Variants in SEMA3D observed in about 807,000 individuals in gnomAD.
SEMA3D encodes the protein semaphorin-3D.
A neutral mutation model predicts 100.1 loss-of-function variants in SEMA3D; 84 were observed. The observed-to-expected ratio is 0.84, with a 90% CI of 0.70 to 1.01. The LOEUF is 1.01. Among genes scored for constraint, SEMA3D ranks in the 50% least tolerant of loss-of-function variants. The pLI is 0.00. For missense variants in SEMA3D, 875 were observed against 934.1 expected (o/e 0.94, Z 0.82); for synonymous variants, 312 against 320.7 (o/e 0.97, Z 0.29).
chr7:85,029,179 C>A, intron 12 of SEMA3D: 1 of 667,182 alleles, frequency 1.5e-6, no homozygotes, highest in Admixed American at 2.1e-5. Context: ...TTTGAGCTCA[C>A]AGGCGTACCT....
chr7:85,146,082 C>T (rs1177154002), intron 2 of SEMA3D, among the ~76,000 whole-genome samples: 1 of 151,924 alleles, frequency 6.6e-6, no homozygotes, highest in Non-Finnish European at 1.5e-5. Context: ...CTCACGGATA[C>T]AGAGGGCTAA....
At chr7:85,069,889 T>C (rs77633637) in intron 6 of SEMA3D, among the ~76,000 whole-genome samples, 2 of 152,206 alleles carry the variant, frequency 1.3e-5, no homozygotes, top group African/African-American at 4.8e-5. Context: ...TATAGAAATA[T>C]GTAAAATATA....
At chr7:85,232,402 G>T in the SEMA3D span, among the ~76,000 whole-genome samples, 4 of 152,252 alleles carry the variant, frequency 2.6e-5, no homozygotes, top group Non-Finnish European at 5.9e-5. Context: ...TAATAATTCA[G>T]GATATTTGTA....
chr7:85,081,664 G>A, intron 4 of SEMA3D, 85 bp from the exon 5 acceptor site: 1 of 865,294 alleles, frequency 1.2e-6, no homozygotes, highest in South Asian at 1.4e-5. Flanking sequence ...GTGAATGTGT[G>A]AAATTGAAGA....
chr7:85,051,142 T>C (rs1791152984), intron 9 of SEMA3D, among the ~76,000 whole-genome samples: 2 of 151,874 alleles, frequency 1.3e-5, no homozygotes, highest in Admixed American at 6.6e-5. Flanking sequence ...TATGATCTTA[T>C]TAAAGCCTTA....
At chr7:85,046,911 C>T (rs1342073374) in intron 9 of SEMA3D, among the ~76,000 whole-genome samples, 1 of 151,940 alleles carries the variant, frequency 6.6e-6, no homozygotes, top group African/African-American at 2.4e-5. Context: ...ATGTCAAAAT[C>T]AGCAGTTTTT....
chr7:85,231,529 C>T, the SEMA3D span, among the ~76,000 whole-genome samples: 1 of 149,190 alleles, frequency 6.7e-6, no homozygotes, highest in Non-Finnish European at 1.5e-5. Flanking sequence ...CGGCTCACTG[C>T]AAGCTCCGCC....
intron 7 of SEMA3D, among the ~76,000 whole-genome samples, chr7:85,067,876 T>C (rs73703763): frequency 0.01 from 1,579 of 152,234 alleles, 23 homozygotes; most frequent in African/African-American, 0.036. Context: ...TAGGGAGATA[T>C]TACAACATAA....
the SEMA3D span, among the ~76,000 whole-genome samples, chr7:85,230,289 G>T: frequency 6.6e-6 from 1 of 152,086 alleles, no homozygotes; most frequent in Non-Finnish European, 1.5e-5. Flanking sequence ...TAATGGCATT[G>T]CTTGAACACT....
chr7:85,121,847 A>ATC lies in SEMA3D; in HGVS notation c.43_44dup (p.Asp15GlufsTer9). 6.2e-7 allele frequency: 1 copy of ATC among 1,605,718 alleles called. No individual in the cohort carries two copies. The highest frequency in any genetic ancestry group is 1.7e-5 in the Admixed American group (1 of 59,492). ...TCATCAAAGCAGGAAAAAGGTGAAA[A>ATC]TCTTGGCTTCTGGCTTTAAGTCTTT... is the stretch of plus-strand genomic sequence containing the variant. On this transcript the variant is annotated frameshift_variant, in exon 3 of 19. Coordinates refer to ENST00000284136, the MANE Select transcript of SEMA3D (RefSeq NM_001384900.1). LOFTEE classifies it high-confidence loss of function.
chr7:85,153,946 C>A (rs1790506735), intron 1 of SEMA3D, among the ~76,000 whole-genome samples: 1 of 152,110 alleles, frequency 6.6e-6, no homozygotes, highest in South Asian at 2.1e-4. Flanking sequence ...GGATGAGACC[C>A]ACCAACATGA....
intron 4 of SEMA3D, among the ~76,000 whole-genome samples, chr7:85,088,411 C>A (rs1044266641): frequency 1.3e-5 from 2 of 152,072 alleles, no homozygotes; most frequent in Non-Finnish European, 2.9e-5. Flanking sequence ...ATGAGACACA[C>A]AAAAGGAAGT....
intron 9 of SEMA3D, among the ~76,000 whole-genome samples, chr7:85,048,522 T>A (rs932063509): frequency 9.2e-5 from 14 of 151,828 alleles, no homozygotes; most frequent in Admixed American, 5.9e-4. Context: ...ATTACTATAT[T>A]GTGAAGATCT....
Position 84,996,933 on chromosome 7 carries a change from G to T in SEMA3D, c.*2507C>A, listed in dbSNP as rs1328159554. 2.6e-5 allele frequency: 4 copies of T among 151,384 alleles called. No individual in the cohort carries two copies. The highest frequency in any genetic ancestry group is 9.7e-5 in the African/African-American group (4 of 41,264). The allele number at this position is 151,384 out of a possible 1,614,324, so 9.4% of individuals were successfully genotyped here. On this transcript the variant is annotated 3_prime_UTR_variant, in exon 19 of 19. Coordinates refer to ENST00000284136, the MANE Select transcript of SEMA3D (RefSeq NM_001384900.1). ...TCTAAATGTTCTAGACAACTAAAAA[G>T]CTAAGAAAAAAACACATTTTAGATA... is the stretch of plus-strand genomic sequence containing the variant.
chr7:85,097,307 G>C (rs1230528767), intron 4 of SEMA3D, among the ~76,000 whole-genome samples: 1 of 151,776 alleles, frequency 6.6e-6, no homozygotes, highest in African/African-American at 2.4e-5. Context: ...GAGAGTGATT[G>C]ACTTGTAGGA....
intron 4 of SEMA3D, among the ~76,000 whole-genome samples, chr7:85,090,395 A>T (rs1554341538): frequency 6.6e-6 from 1 of 152,128 alleles, no homozygotes; most frequent in Non-Finnish European, 1.5e-5. Context: ...TAGCTCTGTG[A>T]TTACTAGACA....
chr7:84,997,639 A>T lies in SEMA3D; in HGVS notation c.*1801T>A, dbSNP rs1264074729. On this transcript the variant is annotated 3_prime_UTR_variant, in exon 19 of 19. Transcript: ENST00000284136. Reference sequence around the variant, plus strand: ...AATGCAAATAAAATAAAAATAACAGAGAGAGAATGCTCTCAACATAGAGCC... The same window carrying T: ...AATGCAAATAAAATAAAAATAACAGTGAGAGAATGCTCTCAACATAGAGCC... 24 of 152,528 alleles carry T rather than the reference A, an allele frequency of 1.6e-4. No individual in the cohort carries two copies. The highest frequency in any genetic ancestry group is 1.4e-3 in the Admixed American group (21 of 15,270). 9.4% of individuals were successfully genotyped at this position (152,528 alleles called of 1,614,324 possible).
intron 2 of SEMA3D, chr7:85,142,286 G>GA: frequency 1.0e-6 from 1 of 980,280 alleles, no homozygotes; most frequent in Non-Finnish European, 1.2e-6. Context: ...AAAACACTGA[G>GA]AAAGTACTTA....
chr7:85,104,121 T>G (rs1013165556), intron 3 of SEMA3D, among the ~76,000 whole-genome samples: 2 of 151,976 alleles, frequency 1.3e-5, no homozygotes, highest in African/African-American at 4.8e-5. Context: ...AGAAAGTGAG[T>G]CACTACCCTC....
Sources: allele counts gnomAD v4.1 joint callset (sites outside exome capture counted in the v4.1 genomes callset), GRCh38; gene constraint gnomAD v4.1.1; transcripts MANE v1.5; gene names NCBI Gene and HGNC (gene_info 2026-07-23, HGNC 2026-07-21).